Variants in PIGU observed in about 807,000 individuals in gnomAD.
PIGU encodes the protein GPI-anchor transamidase component PIGU.
Under a neutral mutation model 49.9 loss-of-function variants are expected in PIGU, and 24 were observed. The ratio of observed to expected loss-of-function variants is 0.48; its 90% CI spans 0.35 to 0.68. PIGU has a LOEUF of 0.68. Among genes scored for constraint, PIGU ranks in the 30% least tolerant of loss-of-function variants. The probability of loss-of-function intolerance (pLI) is 0.01; values close to 1 mark genes in which losing one functional copy is unlikely to be tolerated. For synonymous variants in PIGU, 220 were observed against 205.7 expected, an observed-to-expected ratio of 1.07 and a Z score of -0.59; for missense variants, 490 against 532.6, an observed-to-expected ratio of 0.92 and a Z score of 0.79.
At chr20:34,593,674 G>A (rs536317689) in intron 7 of PIGU, among the ~76,000 whole-genome samples, 1 of 152,276 alleles carries the variant, frequency 6.6e-6, no homozygotes, top group Admixed American at 6.5e-5. Context: ...TTTGGAAAAG[G>A]TTGAATTAGA....
At chr20:34,625,813 G>A (rs941674324) in intron 6 of PIGU, among the ~76,000 whole-genome samples, 3 of 151,288 alleles carry the variant, frequency 2.0e-5, no homozygotes, top group Non-Finnish European at 2.9e-5. Context: ...GGGAGGATGG[G>A]GTGGGAGGAT....
intron 1 of PIGU, among the ~76,000 whole-genome samples, chr20:34,676,391 G>A (rs1987498026): frequency 6.6e-6 from 1 of 152,120 alleles, no homozygotes; most frequent in Admixed American, 6.6e-5. Flanking sequence ...TCGCTTTCTC[G>A]CTGTAGGCGT....
At chr20:34,607,140 A>G (rs1344627768) in intron 7 of PIGU, among the ~76,000 whole-genome samples, 1 of 152,212 alleles carries the variant, frequency 6.6e-6, no homozygotes, top group Non-Finnish European at 1.5e-5. Flanking sequence ...CACAATGCAA[A>G]TGCAAATACA....
rs972297776 is a variant in PIGU at position 34,619,174 on chromosome 20, T to C, written c.530-3035A>G. Among the ~76,000 whole-genome samples the C allele has an allele frequency of 2.0e-5, 3 of 152,198 alleles. No homozygotes were observed. In the South Asian group the frequency reaches 6.2e-4, roughly 32 times the overall value. ...TGGGAAGGGGGGCTGTCTCGCCATA[T>C]TGACAGTGCCAGTCATGATGTCCTG... On this transcript the variant is annotated intron_variant, in intron 6 of 11. Coordinates refer to ENST00000217446, the MANE Select transcript of PIGU (RefSeq NM_080476.5).
chr20:34,645,465 C>A, intron 2 of PIGU, 131 bp from the exon 3 acceptor site: 1 of 1,241,768 alleles, frequency 8.1e-7, no homozygotes. Flanking sequence ...TCCTGGAATA[C>A]TGTTCTACGC....
At chr20:34,563,086 T>TA (rs1313668342) in intron 11 of PIGU, among the ~76,000 whole-genome samples, 2 of 151,930 alleles carry the variant, frequency 1.3e-5, no homozygotes, top group Non-Finnish European at 2.9e-5. Flanking sequence ...GTTTTGCAGA[T>TA]AAAAAAATGG....
intron 6 of PIGU, among the ~76,000 whole-genome samples, chr20:34,622,599 T>C (rs1348892086): frequency 2.6e-5 from 4 of 152,118 alleles, no homozygotes; most frequent in Admixed American, 2.6e-4. Flanking sequence ...GGGCTAAGCT[T>C]GCACAGTCAT....
At chr20:34,565,919 G>A (rs896624670) in intron 11 of PIGU, among the ~76,000 whole-genome samples, 3 of 148,902 alleles carry the variant, frequency 2.0e-5, no homozygotes, top group East Asian at 2.0e-4. Context: ...ACACATGCTC[G>A]CACTGCTCAG....
chr20:34,618,410 C>G (rs1164328469), intron 6 of PIGU, among the ~76,000 whole-genome samples: 1 of 152,104 alleles, frequency 6.6e-6, no homozygotes, highest in Non-Finnish European at 1.5e-5. Context: ...ATATAAAGCC[C>G]AACAGGTGTC....
At chr20:34,665,266 C>T (rs1231247129) in intron 1 of PIGU, among the ~76,000 whole-genome samples, 1 of 122,102 alleles carries the variant, frequency 8.2e-6, no homozygotes, top group Non-Finnish European at 1.6e-5. Flanking sequence ...TGCAGTGGCG[C>T]GATCTCGGCT....
intron 7 of PIGU, among the ~76,000 whole-genome samples, chr20:34,593,302 C>G (rs559402183): frequency 6.6e-6 from 1 of 150,486 alleles, no homozygotes; most frequent in African/African-American, 2.4e-5. Flanking sequence ...CGTGCCACTG[C>G]ACTCTAGCCT....
chr20:34,581,730 G>C (rs1381997433), intron 9 of PIGU, 58 bp from the exon 10 acceptor site: 3 of 1,581,294 alleles, frequency 1.9e-6, no homozygotes, highest in African/African-American at 1.3e-5. Context: ...GCCTACCCTA[G>C]AGACTCCTGA....
At chr20:34,633,126 C>A (rs891282977) in intron 6 of PIGU, among the ~76,000 whole-genome samples, 9 of 152,114 alleles carry the variant, frequency 5.9e-5, no homozygotes, top group Non-Finnish European at 4.4e-5. Context: ...TGGAATAACA[C>A]ACACAGTGTT....
chr20:34,630,436 C>T (rs1003031452), intron 6 of PIGU, among the ~76,000 whole-genome samples: 2 of 152,144 alleles, frequency 1.3e-5, no homozygotes, highest in African/African-American at 4.8e-5. Flanking sequence ...ACTCTGCTAC[C>T]CCAGACAGGA....
intron 6 of PIGU, among the ~76,000 whole-genome samples, chr20:34,624,806 G>A (rs1016710605): frequency 6.6e-6 from 1 of 152,084 alleles, no homozygotes; most frequent in African/African-American, 2.4e-5. Context: ...CTACAATAAG[G>A]ACATCACAAT....
rs538667054 is a variant in PIGU, at chr20:34,563,838, G to A, written c.1195-2859C>T. Among the ~76,000 whole-genome samples the A allele has an allele frequency of 6.6e-5, 10 of 152,276 alleles. No homozygotes were observed. In the South Asian group the frequency reaches 1.9e-3, roughly 28 times the overall value. The stretch of plus-strand genomic sequence containing the variant: ...ACCTGGCCAACACTATCTTAACCAC[G>A]TGGTGGAGGTTAACATCAGCTTGAA... On this transcript the variant is annotated intron_variant, in intron 11 of 11. Coordinates refer to ENST00000217446, the MANE Select transcript of PIGU (RefSeq NM_080476.5).
At chr20:34,597,955 C>G (rs1406287145) in intron 7 of PIGU, among the ~76,000 whole-genome samples, 1 of 152,106 alleles carries the variant, frequency 6.6e-6, no homozygotes, top group Non-Finnish European at 1.5e-5. Flanking sequence ...CCTGTAATCC[C>G]AGCAATATGG....
chr20:34,671,047 A>G (rs1364607120), intron 1 of PIGU, among the ~76,000 whole-genome samples: 2 of 152,234 alleles, frequency 1.3e-5, no homozygotes, highest in Non-Finnish European at 2.9e-5. Flanking sequence ...GAACAGCCAT[A>G]CCTAAAGATT....
At chr20:34,631,721 CCATATATATA>C (rs1985719882) in intron 6 of PIGU, among the ~76,000 whole-genome samples, 2 of 46,148 alleles carry the variant, frequency 4.3e-5, no homozygotes, top group South Asian at 1.2e-3. Context: ...GTCCGGCTAA[CCATATATATA>C]TATATATATA....
Sources: allele counts gnomAD v4.1 joint callset (sites outside exome capture counted in the v4.1 genomes callset), GRCh38; gene constraint gnomAD v4.1.1; transcripts MANE v1.5; gene names NCBI Gene and HGNC (gene_info 2026-07-23, HGNC 2026-07-21).